Variants in MTREX observed in about 807,000 individuals in gnomAD.
MTREX encodes the protein Mtr4 exosome RNA helicase, also known as exosome RNA helicase MTR4.
MTREX carries 76 observed loss-of-function variants against 135.4 expected under a neutral mutation model. The observed-to-expected ratio is 0.56, with a 90% CI of 0.47 to 0.68. The LOEUF is 0.68. Among genes scored for constraint, MTREX ranks in the 30% least tolerant of loss-of-function variants. The pLI, the probability that MTREX is intolerant of heterozygous loss-of-function variation, is 0.00. For missense variants in MTREX, 920 were observed against 1,262.1 expected (o/e 0.73, Z 4.11); for synonymous variants, 404 against 401.6 (o/e 1.01, Z -0.07).
intron 5 of MTREX, among the ~76,000 whole-genome samples, chr5:55,338,170 T>G (rs1157028514): frequency 6.6e-6 from 1 of 152,204 alleles, no homozygotes; most frequent in Non-Finnish European, 1.5e-5. Context: ...TTGTTCTGTT[T>G]TATGGTATTG....
chr5:55,390,136 C>T (rs529413288), intron 19 of MTREX, among the ~76,000 whole-genome samples: 1 of 152,166 alleles, frequency 6.6e-6, no homozygotes, highest in East Asian at 1.9e-4. Context: ...TGGAGTCTCG[C>T]TCTGTCACCA....
intron 6 of MTREX, 26 bp downstream of exon 6, chr5:55,340,210 C>G: frequency 6.8e-7 from 1 of 1,474,188 alleles, no homozygotes; most frequent in Non-Finnish European, 9.0e-7. Context: ...CCTCATCTGA[C>G]TTTTCGTTTT....
chr5:55,391,993 G>A (rs1032523253), intron 19 of MTREX, among the ~76,000 whole-genome samples: 1 of 152,244 alleles, frequency 6.6e-6, no homozygotes, highest in South Asian at 2.1e-4. Context: ...AAACCTCAGT[G>A]TAGATATCTG....
chr5:55,349,522 T>C (rs1209937700), intron 11 of MTREX, 51 bp from the exon 12 acceptor site: 5 of 946,636 alleles, frequency 5.3e-6, no homozygotes, highest in Non-Finnish European at 6.9e-6. Flanking sequence ...GTGTGAAGTT[T>C]GGTATCACTA....
rs563553654 is a variant in MTREX, at chr5:55,410,583, C to T, written c.2705C>T (p.Ala902Val). The T allele has an allele frequency of 6.2e-7, 1 of 1,610,886 alleles. No individual in the cohort carries two copies. The highest frequency in any genetic ancestry group is 1.3e-5 in the African/African-American group (1 of 74,946). ...MFNGLFNDLS[A>V]EQATALLSCF... ...AATGGCCTTTTCAATGACCTTTCTG[C>T]AGAACAGGCAACAGCATTATTAAGC... The change falls in exon 23 of 27, where the codon GCA (alanine) becomes GTA (valine). Residue 902 changes from alanine (A) to valine (V), a missense_variant. Coordinates refer to ENST00000230640, the MANE Select transcript of MTREX (RefSeq NM_015360.5).
intron 1 of MTREX, 122 bp downstream of exon 1, chr5:55,308,269 G>A: frequency 8.1e-7 from 1 of 1,231,298 alleles, no homozygotes; most frequent in Non-Finnish European, 1.1e-6. Context: ...GGAAGTGAAG[G>A]GGTTCCAGAA....
In MTREX at chr5:55,390,227, C is replaced by T. The variant is rs562574855; in HGVS notation, c.2181+2125C>T. On this transcript the variant is annotated intron_variant, in intron 19 of 26. Coordinates refer to ENST00000230640, the MANE Select transcript of MTREX (RefSeq NM_015360.5). ...AAGTGATTCTCCTGCCTCAACCTCC[C>T]GAGTAGCTGGGACTACAGGTGTTCG... Among the ~76,000 whole-genome samples the T allele has an allele frequency of 1.7e-3, 266 of 152,216 alleles. 1 individual carries two copies. The highest frequency in any genetic ancestry group is 7.8e-3 in the Admixed American group (119 of 15,294).
chr5:55,399,357 A>G (rs1238950485), intron 20 of MTREX, among the ~76,000 whole-genome samples: 2 of 152,150 alleles, frequency 1.3e-5, no homozygotes, highest in Admixed American at 1.3e-4. Flanking sequence ...AGGCTTATCC[A>G]AGACCCTGAA....
At chr5:55,370,231 CCCT>C (rs1750174690) in intron 16 of MTREX, among the ~76,000 whole-genome samples, 1 of 152,054 alleles carries the variant, frequency 6.6e-6, no homozygotes, top group Admixed American at 6.6e-5. Context: ...CCCTGATTAT[CCCT>C]TTTTCTTTAG....
rs369090319 is a variant in MTREX, at chr5:55,329,726, A to T, written c.515+915A>T. Among the ~76,000 whole-genome samples, 4 of 152,266 alleles carry T rather than the reference A, an allele frequency of 2.6e-5. No homozygotes were observed. In the East Asian group the frequency reaches 7.7e-4, roughly 29 times the overall value. Reference sequence around the variant, plus strand: ...TGCCTTTTGACTTGCATAGTTTATGACAAGAAATCCTAGTATACCTTTGAT... The same window carrying T: ...TGCCTTTTGACTTGCATAGTTTATGTCAAGAAATCCTAGTATACCTTTGAT... On this transcript the variant is annotated intron_variant, in intron 5 of 26. Transcript: ENST00000230640.
intron 1 of MTREX, among the ~76,000 whole-genome samples, chr5:55,318,163 T>C (rs1305055037): frequency 6.6e-6 from 1 of 152,196 alleles, no homozygotes; most frequent in African/African-American, 2.4e-5. Context: ...CACTTATAAC[T>C]GTTGGTGGGA....
At position 55,339,966 on chromosome 5, in the gene MTREX, A is replaced by C. The variant is rs746125715; in HGVS notation, c.516-44A>C. ...TATTAACAGAATTTTTAAAGTCATA[A>C]TTTAAAGGAAAAGTTGTATGATTAT... On this transcript the variant is annotated intron_variant, in intron 5 of 26. Coordinates refer to ENST00000230640, the MANE Select transcript of MTREX (RefSeq NM_015360.5). 7.9e-5 allele frequency: 110 copies of C among 1,386,844 alleles called. 1 individual carries two copies. In the Middle Eastern group the frequency reaches 1.2e-3, roughly 15 times the overall value. 85.9% of individuals were successfully genotyped at this position (1,386,844 alleles called of 1,614,324 possible). A position where few individuals can be genotyped will look rare whatever the true frequency, so the allele number is the denominator to read the frequency against.
At chr5:55,402,892 T>G (rs1435163501) in intron 21 of MTREX, among the ~76,000 whole-genome samples, 2 of 144,928 alleles carry the variant, frequency 1.4e-5, no homozygotes, top group Non-Finnish European at 3.0e-5. Context: ...AATTTCTTTT[T>G]TTTTTAATGG....
At chr5:55,339,658 G>A (rs539003397) in intron 5 of MTREX, among the ~76,000 whole-genome samples, 2 of 152,254 alleles carry the variant, frequency 1.3e-5, no homozygotes, top group South Asian at 4.1e-4. Context: ...GGGGCTATAA[G>A]CACTTGATCA....
chr5:55,378,786 A>G (rs1161508880), intron 17 of MTREX, among the ~76,000 whole-genome samples: 1 of 152,222 alleles, frequency 6.6e-6, no homozygotes, highest in African/African-American at 2.4e-5. Context: ...ATAACTATTC[A>G]TATAACTATA....
At chr5:55,376,554 A>G (rs1375094466) in intron 16 of MTREX, among the ~76,000 whole-genome samples, 1 of 152,230 alleles carries the variant, frequency 6.6e-6, no homozygotes, top group East Asian at 1.9e-4. Context: ...ATTAAAGTGA[A>G]AACAAATCTC....
chr5:55,384,900 A>G (rs1387794721), intron 18 of MTREX, among the ~76,000 whole-genome samples: 1 of 152,118 alleles, frequency 6.6e-6, no homozygotes, highest in Non-Finnish European at 1.5e-5. Flanking sequence ...TCCTCCCACT[A>G]TCATTTTTAA....
chr5:55,388,115 C>A lies in MTREX; in HGVS notation c.2181+13C>A, dbSNP rs1008191348. The stretch of plus-strand genomic sequence containing the variant: ...AGGAGAGATGCAGGTTTGTACATAA[C>A]TTTCTGTCTTCTGATTTCAGATATT... On this transcript the variant is annotated intron_variant, in intron 19 of 26. Transcript: ENST00000230640. 4 of 1,585,792 alleles carry A rather than the reference C, an allele frequency of 2.5e-6. No individual in the cohort carries two copies. The African/African-American group carries it at 4.0e-5, about 16-fold the overall frequency.
At chr5:55,377,727 T>C (rs1371020505) in intron 16 of MTREX, among the ~76,000 whole-genome samples, 3 of 152,200 alleles carry the variant, frequency 2.0e-5, no homozygotes, top group African/African-American at 7.2e-5. Flanking sequence ...GTTCCTGGTT[T>C]ATAACTCCCA....
Sources: allele counts gnomAD v4.1 joint callset (sites outside exome capture counted in the v4.1 genomes callset), GRCh38; gene constraint gnomAD v4.1.1; transcripts MANE v1.5; gene names NCBI Gene and HGNC (gene_info 2026-07-23, HGNC 2026-07-21).